The following ZDHHC7 variants were observed in gnomAD, a reference collection of about 807,000 sequenced individuals.
ZDHHC7 encodes the protein palmitoyltransferase ZDHHC7.
In ZDHHC7, 12 loss-of-function variants were observed where a neutral mutation model predicts 34.1. The observed-to-expected ratio is 0.35, with a 90% CI of 0.23 to 0.57. ZDHHC7 has a LOEUF of 0.57. Ranked by LOEUF, ZDHHC7 falls within the 20% of genes least tolerant of loss-of-function variation. The pLI, the probability that ZDHHC7 is intolerant of heterozygous loss-of-function variation, is 0.84. For synonymous variants in ZDHHC7, 185 were observed against 155.4 expected (o/e 1.19, Z -1.42); for missense variants, 388 against 402.7 (o/e 0.96, Z 0.31).
upstream of ZDHHC7, among the ~76,000 whole-genome samples, chr16:85,013,252 T>C (rs1398757838): frequency 6.6e-6 from 1 of 152,150 alleles, no homozygotes; most frequent in East Asian, 1.9e-4. Flanking sequence ...ATTATTATTA[T>C]TTTACTTTGA....
chr16:85,022,385 A>T, the ZDHHC7 span, among the ~76,000 whole-genome samples: 4 of 151,798 alleles, frequency 2.6e-5, no homozygotes, highest in African/African-American at 9.7e-5. Flanking sequence ...TTAGCCAGGC[A>T]TGATGCACAT....
At chr16:84,984,291 G>T (rs149854160) in intron 3 of ZDHHC7, among the ~76,000 whole-genome samples, 2 of 152,236 alleles carry the variant, frequency 1.3e-5, no homozygotes, top group African/African-American at 4.8e-5. Context: ...AAAGTGCTAG[G>T]ATTACAGGTA....
At chr16:85,014,305 G>T (rs2072825546), upstream of ZDHHC7, among the ~76,000 whole-genome samples, 1 of 152,146 alleles carries the variant, frequency 6.6e-6, no homozygotes, top group African/African-American at 2.4e-5. Flanking sequence ...CGTTTATAGA[G>T]AAATAGTTTA....
At chr16:85,002,788 G>A (rs182862506) in intron 1 of ZDHHC7, among the ~76,000 whole-genome samples, 53 of 152,220 alleles carry the variant, frequency 3.5e-4, no homozygotes, top group African/African-American at 8.4e-4. Flanking sequence ...GGGGAAACCC[G>A]GGCATGAAGA....
At chr16:85,021,460 G>C in the ZDHHC7 span, among the ~76,000 whole-genome samples, 1 of 144,550 alleles carries the variant, frequency 6.9e-6, no homozygotes. Context: ...TATAATCCCA[G>C]AGCTTTGGGA....
At chr16:85,005,856 G>C (rs1447938823) in intron 1 of ZDHHC7, among the ~76,000 whole-genome samples, 1 of 152,120 alleles carries the variant, frequency 6.6e-6, no homozygotes, top group Non-Finnish European at 1.5e-5. Context: ...ATGCAACCAG[G>C]ATTGATTCAC....
intron 3 of ZDHHC7, among the ~76,000 whole-genome samples, chr16:84,986,627 G>A (rs1441106783): frequency 6.6e-6 from 1 of 152,206 alleles, no homozygotes; most frequent in African/African-American, 2.4e-5. Context: ...TCCTTCCACA[G>A]CAGGGTTCAT....
At chr16:85,022,543 G>T in the ZDHHC7 span, among the ~76,000 whole-genome samples, 2 of 151,964 alleles carry the variant, frequency 1.3e-5, no homozygotes, top group South Asian at 4.2e-4. Flanking sequence ...AGAAGGAGAA[G>T]AAGACAACTC....
At chr16:84,982,369 T>C (rs1488393701) in intron 3 of ZDHHC7, among the ~76,000 whole-genome samples, 1 of 151,756 alleles carries the variant, frequency 6.6e-6, no homozygotes, top group Non-Finnish European at 1.5e-5. Flanking sequence ...AATCATATAT[T>C]TTCTATATCA....
intron 2 of ZDHHC7, among the ~76,000 whole-genome samples, chr16:84,992,106 G>A (rs1354364151): frequency 1.3e-5 from 2 of 151,474 alleles, no homozygotes; most frequent in Admixed American, 1.3e-4. Flanking sequence ...AACCTGGGAG[G>A]CGGAGGTTGC....
At chr16:85,003,325 T>C (rs999545661) in intron 1 of ZDHHC7, among the ~76,000 whole-genome samples, 36 of 152,254 alleles carry the variant, frequency 2.4e-4, no homozygotes, top group Non-Finnish European at 4.4e-5. Flanking sequence ...ATCCCAGGTA[T>C]GCCACCAGCC....
the ZDHHC7 span, among the ~76,000 whole-genome samples, chr16:85,020,658 AGT>A: frequency 6.6e-6 from 1 of 152,160 alleles, no homozygotes; most frequent in African/African-American, 2.4e-5. Context: ...TGCGAGGGTC[AGT>A]GTGTGGAGGG....
At chr16:84,979,008 G>A (rs1356508826) in intron 5 of ZDHHC7, among the ~76,000 whole-genome samples, 181 bp downstream of exon 5, 2 of 152,114 alleles carry the variant, frequency 1.3e-5, no homozygotes. Flanking sequence ...AATAATACAA[G>A]CAACATATTA....
At chr16:84,985,653 A>T (rs1365899294) in intron 3 of ZDHHC7, among the ~76,000 whole-genome samples, 3 of 152,158 alleles carry the variant, frequency 2.0e-5, no homozygotes, top group African/African-American at 7.2e-5. Flanking sequence ...AGGGAAAAAA[A>T]TTATAAAAGA....
At chr16:84,981,739 C>T in intron 4 of ZDHHC7, 131 bp downstream of exon 4, 2 of 1,532,958 alleles carry the variant, frequency 1.3e-6, no homozygotes, top group South Asian at 1.2e-5. Flanking sequence ...ACCTACGGCC[C>T]CGCCCGTACA....
At chr16:84,999,825 T>C (rs768347065) in intron 1 of ZDHHC7, among the ~76,000 whole-genome samples, 8 of 152,226 alleles carry the variant, frequency 5.3e-5, no homozygotes, top group Middle Eastern at 6.8e-3. Flanking sequence ...CAATTCGCTG[T>C]TTAAAAAAAG....
intron 3 of ZDHHC7, among the ~76,000 whole-genome samples, chr16:84,987,963 A>G (rs1266153789): frequency 1.3e-5 from 2 of 152,138 alleles, no homozygotes; most frequent in Non-Finnish European, 2.9e-5. Flanking sequence ...AGGTCAGGAG[A>G]TCGAGACCAT....
Position 84,976,435 on chromosome 16 carries a change from G to T in ZDHHC7, c.835C>A (p.Pro279Thr). 1 of 1,614,086 alleles carries T rather than the reference G, an allele frequency of 6.2e-7. No homozygotes were observed. Among genetic ancestry groups the T allele is most frequent in the Non-Finnish European group, 8.5e-7 (1 of 1,179,992 alleles). Residue 279 changes from proline (P) to threonine (T), a missense_variant, in exon 8 of 8, where the codon CCC becomes ACC. Pro to Thr is a conservative substitution (Grantham distance 38). Coordinates refer to ENST00000313732, the MANE Select transcript of ZDHHC7 (RefSeq NM_017740.3). ...AAGGGATTCATCCAGAGGAGTGAGG[G>T]GGGCCCCCCAAAGACGGACTTCATC... Reference protein sequence around the residue: ...EGMKSVFGGPPSLLWMNPFVG... With the variant: ...EGMKSVFGGPTSLLWMNPFVG...
At chr16:84,977,052 T>G (rs770296589) in intron 7 of ZDHHC7, 43 bp downstream of exon 7, 2 of 1,611,198 alleles carry the variant, frequency 1.2e-6, no homozygotes, top group Non-Finnish European at 1.7e-6. Context: ...TTACTCAAGC[T>G]TGGACCACAT....
Sources: gnomAD v4.1 joint callset for allele counts (sites outside exome capture counted in the v4.1 genomes callset) on GRCh38, gnomAD v4.1.1 for gene constraint, MANE v1.5 for transcripts, NCBI Gene and HGNC (gene_info 2026-07-23, HGNC 2026-07-21) for gene names.